Variants in OTOF observed in about 807,000 individuals in gnomAD.
OTOF encodes the protein otoferlin, also known as fer-1-like family member 2.
OTOF carries 218 observed loss-of-function variants against 236.8 expected under a neutral mutation model. The ratio of observed to expected loss-of-function variants is 0.92; its 90% CI spans 0.82 to 1.03. The LOEUF (loss-of-function observed/expected upper bound fraction) is 1.03. OTOF is among the 50% of genes least tolerant of loss of function. The probability of loss-of-function intolerance (pLI) is 0.00; values close to 1 mark genes in which losing one functional copy is unlikely to be tolerated. For missense variants in OTOF, 2,590 were observed against 2,694.4 expected, an observed-to-expected ratio of 0.96 and a Z score of 0.86; for synonymous variants, 1,041 against 1,072.5, an observed-to-expected ratio of 0.97 and a Z score of 0.57.
Position 26,480,216 on chromosome 2 carries a change from A to G in OTOF, c.1899T>C (p.Phe633=). 6.2e-7 allele frequency: 1 copy of G among 1,609,546 alleles called. No individual in the cohort carries two copies. The highest frequency in any genetic ancestry group is 1.1e-5 in the South Asian group (1 of 91,020). Reference sequence around the variant, plus strand: ...CCCAGCACTCACCTATGGTGACCTCAAAGGTGATGGGCTTGTCTCCGTTTC... The same window carrying G: ...CCCAGCACTCACCTATGGTGACCTCGAAGGTGATGGGCTTGTCTCCGTTTC... ...DRRNGDKPIT[F]EVTIGNYGNE... Residue 633 remains phenylalanine, a synonymous_variant, in exon 16 of 47, where the codon TTT becomes TTC. Transcript: ENST00000272371.
chr2:26,478,612 G>A (rs1183857003), intron 18 of OTOF, among the ~76,000 whole-genome samples: 1 of 152,088 alleles, frequency 6.6e-6, no homozygotes, highest in Non-Finnish European at 1.5e-5. Context: ...GAGGAGGAGG[G>A]GGCAGCTCCT....
Position 26,527,903 on chromosome 2 carries a change from C to T in OTOF, c.156G>A (p.Val52=), listed in dbSNP as rs369307357. The change falls in exon 3 of 47, where the codon GTG becomes GTA. Residue 52 remains valine (V), a synonymous_variant. Coordinates refer to ENST00000272371, the MANE Select transcript of OTOF (RefSeq NM_194248.3). ...TCTCATTTCTGTCGATGCTGCTGGC[C>T]ACCGGCCACCGAAATGTCTGGGGAG... ...ADFDETFRWP[V]ASSIDRNEML... 6.2e-6 allele frequency: 10 copies of T among 1,614,022 alleles called. No individual in the cohort carries two copies. The African/African-American group carries it at 1.3e-4, about 22-fold the overall frequency.
intron 1 of OTOF, among the ~76,000 whole-genome samples, chr2:26,542,519 T>G (rs1415386534): frequency 6.6e-6 from 1 of 152,080 alleles, no homozygotes; most frequent in Admixed American, 6.5e-5. Context: ...TGACTCTCAA[T>G]GTAGTGGATT....
rs541256087 is a variant in OTOF, at chr2:26,480,694, C to A, written c.1803+92G>T. The A allele has an allele frequency of 4.8e-6, 5 of 1,048,816 alleles. No homozygotes were observed. In the Admixed American group the frequency reaches 5.3e-5, roughly 11 times the overall value. 65.0% of individuals were successfully genotyped at this position (1,048,816 alleles called of 1,614,324 possible). ...GGTATGACTCCTCAGGTAGACAGGGCAGCAACAGGCAAAGCCTGGGACCCA... is the reference window on the plus strand; with the variant it reads ...GGTATGACTCCTCAGGTAGACAGGGAAGCAACAGGCAAAGCCTGGGACCCA... On this transcript the variant is annotated intron_variant, in intron 15 of 46. Coordinates refer to ENST00000272371, the MANE Select transcript of OTOF (RefSeq NM_194248.3).
Position 26,495,168 on chromosome 2 carries a change from G to A in OTOF, c.766-95C>T, listed in dbSNP as rs562242723. 4.7e-5 allele frequency: 62 copies of A among 1,305,438 alleles called. No homozygotes were observed. In the South Asian group the frequency reaches 6.4e-4, roughly 14 times the overall value. 80.9% of individuals were successfully genotyped at this position (1,305,438 alleles called of 1,614,324 possible). A position where few individuals can be genotyped will look rare whatever the true frequency, so the allele number is the denominator to read the frequency against. On this transcript the variant is annotated intron_variant, in intron 8 of 46. Coordinates refer to ENST00000272371, the MANE Select transcript of OTOF (RefSeq NM_194248.3). ...CAGGGGCTGGGGCAGCAGGGTCAGA[G>A]GGAGGGCCCGGGAGCCAGCACTGGC...
At chr2:26,502,480 C>A in intron 6 of OTOF, 54 bp from the exon 7 acceptor site, 2 of 1,575,258 alleles carry the variant, frequency 1.3e-6, no homozygotes, top group Non-Finnish European at 8.6e-7. Flanking sequence ...AGATAGTGAC[C>A]ATTTCTCCTT....
At chr2:26,553,382 A>G (rs1048396108) in intron 1 of OTOF, among the ~76,000 whole-genome samples, 2 of 152,092 alleles carry the variant, frequency 1.3e-5, no homozygotes, top group Non-Finnish European at 2.9e-5. Context: ...ATAGGTACAA[A>G]CAGGGGCAGT....
chr2:26,498,373 G>T (rs6761836), intron 8 of OTOF, among the ~76,000 whole-genome samples: 1 of 151,802 alleles, frequency 6.6e-6, no homozygotes, highest in African/African-American at 2.4e-5. Flanking sequence ...AAGACCACCA[G>T]GCGCATGGTG....
chr2:26,515,338 G>T (rs1397797905), intron 5 of OTOF, among the ~76,000 whole-genome samples: 1 of 152,238 alleles, frequency 6.6e-6, no homozygotes, highest in African/African-American at 2.4e-5. Flanking sequence ...CGCCATGTTT[G>T]TTGCAGGCCT....
chr2:26,459,217 C>T (rs1175423223), intron 46 of OTOF, among the ~76,000 whole-genome samples: 2 of 152,206 alleles, frequency 1.3e-5, no homozygotes, highest in African/African-American at 4.8e-5. Context: ...ACACCCTTCC[C>T]TTTTCCCTGT....
intron 2 of OTOF, among the ~76,000 whole-genome samples, chr2:26,531,973 A>G (rs111633565): frequency 1.3e-5 from 2 of 151,820 alleles, no homozygotes; most frequent in African/African-American, 4.8e-5. Flanking sequence ...CATGCCTGTA[A>G]TCTCAGCTAC....
At chr2:26,499,323 T>G (rs559507360) in intron 8 of OTOF, among the ~76,000 whole-genome samples, 1 of 152,216 alleles carries the variant, frequency 6.6e-6, no homozygotes, top group East Asian at 1.9e-4. Context: ...CAGGCTTCTT[T>G]CAGTGCCATA....
Position 26,467,128 on chromosome 2 carries a change from CGGT to C in OTOF, c.4330_4332del (p.Thr1444del), listed in dbSNP as rs777603298. On this transcript the variant is annotated inframe_deletion, in exon 35 of 47. Transcript: ENST00000272371. ...AAGCGTCCCACAATGCGCTCCTCCTCGGTGGAGCCATCCTCATCATCCCCGGTC... is the reference window on the plus strand; with the variant it reads ...AAGCGTCCCACAATGCGCTCCTCCTCGGAGCCATCCTCATCATCCCCGGTC... 1.2e-6 allele frequency: 2 copies of C among 1,613,830 alleles called. No individual in the cohort carries two copies. The highest frequency in any genetic ancestry group is 2.2e-5 in the South Asian group (2 of 91,072).
chr2:26,558,538 C>G lies in OTOF; in HGVS notation c.34G>C (p.Glu12Gln). The G allele has an allele frequency of 6.2e-7, 1 of 1,614,046 alleles. No homozygotes were observed. Among genetic ancestry groups the G allele is most frequent in the Non-Finnish European group, 8.5e-7 (1 of 1,179,970 alleles). ...ATCCGGTCGCCCCTGCCCCGCAGCT[C>G]CGAGACTGTCTTGAGGTGGATGAGC... Reference protein sequence around the residue: ...ALLIHLKTVSELRGRGDRIAK... With the variant: ...ALLIHLKTVSQLRGRGDRIAK... Residue 12 changes from glutamate to glutamine, a missense_variant, in exon 1 of 47, where the codon GAG (glutamate) becomes CAG (glutamine). Around this residue, in one of 2 missense-constraint regions of OTOF, gnomAD observed 1,379 missense variants for 1,341.6 expected, o/e 1.03. Transcript: ENST00000272371.
intron 3 of OTOF, among the ~76,000 whole-genome samples, chr2:26,526,696 G>A (rs1244830633): frequency 2.0e-5 from 3 of 152,288 alleles, no homozygotes; most frequent in East Asian, 1.9e-4. Context: ...CAGATCAGGA[G>A]TGCTTTAATT....
intron 2 of OTOF, among the ~76,000 whole-genome samples, chr2:26,534,580 A>AG (rs1390488180): frequency 6.6e-6 from 1 of 152,136 alleles, no homozygotes; most frequent in Non-Finnish European, 1.5e-5. Flanking sequence ...TGAGCAGAGG[A>AG]GGGGCCCCTC....
intron 6 of OTOF, 111 bp from the exon 7 acceptor site, chr2:26,502,537 A>G: frequency 9.0e-7 from 1 of 1,109,506 alleles, no homozygotes; most frequent in Non-Finnish European, 1.3e-6. Context: ...AGGTTTACTT[A>G]GTTGCTACCG....
chr2:26,466,203 G>C, intron 36 of OTOF, 127 bp from the exon 37 acceptor site: 2 of 1,196,434 alleles, frequency 1.7e-6, no homozygotes, highest in Non-Finnish European at 2.4e-6. Flanking sequence ...CCCCTCAGGA[G>C]GCTTGCTGTG....
In OTOF at chr2:26,483,482, C is replaced by T. The variant is rs371893469; in HGVS notation, c.1372G>A (p.Val458Ile). The change falls in exon 13 of 47, where the codon GTC becomes ATC. Residue 458 changes from valine to isoleucine, a missense_variant. This residue lies in a region of OTOF where 1,379 missense variants were observed against 1,341.6 expected (regional missense o/e 1.03). Coordinates refer to ENST00000272371, the MANE Select transcript of OTOF (RefSeq NM_194248.3). ...NKDLVDPYVQVFFAGQKGKTS... is the reference protein window; with the variant it reads ...NKDLVDPYVQIFFAGQKGKTS... Reference sequence around the variant, plus strand: ...AGTACCTTCTGGCCAGCAAAGAAGACTTGCACGTAGGGGTCCACGAGGTCC... The same window carrying T: ...AGTACCTTCTGGCCAGCAAAGAAGATTTGCACGTAGGGGTCCACGAGGTCC... The T allele has an allele frequency of 1.2e-6, 2 of 1,613,802 alleles. No individual in the cohort carries two copies. Among genetic ancestry groups the T allele is most frequent in the Non-Finnish European group, 1.7e-6 (2 of 1,180,032 alleles).
Sources: allele counts gnomAD v4.1 joint callset (sites outside exome capture counted in the v4.1 genomes callset), GRCh38; gene constraint gnomAD v4.1.1; regional missense constraint gnomAD v4.1.1; transcripts MANE v1.5; gene names NCBI Gene and HGNC (gene_info 2026-07-23, HGNC 2026-07-21).